SLC12A3: variants seen among roughly 807,000 people sequenced by gnomAD.
The protein encoded by SLC12A3 is Na-Cl cotransporter.
Under a neutral mutation model 121.0 loss-of-function variants are expected in SLC12A3, and 104 were observed. That is an observed-to-expected ratio of 0.86 (90% CI 0.73 to 1.01). SLC12A3 has a LOEUF of 1.01. Ranked by LOEUF, SLC12A3 falls within the 50% of genes least tolerant of loss-of-function variation. SLC12A3 has a pLI of 0.00. For synonymous variants in SLC12A3, 536 were observed against 533.4 expected (o/e 1.00, Z -0.07); for missense variants, 1,328 against 1,356.3 (o/e 0.98, Z 0.33).
chr16:56,878,035 TCTCC>T (rs373001243), intron 8 of SLC12A3, 38 bp from the exon 9 acceptor site: 861 of 451,770 alleles, frequency 1.9e-3, no homozygotes, highest in Middle Eastern at 4.4e-3. Context: ...TCCCTCCCTC[TCTCC>T]CTCCCTCCCT....
In SLC12A3 at chr16:56,869,757, G is replaced by A. The variant is rs140931462; in HGVS notation, c.534G>A (p.Ser178=). ...TGACCTGGATCATCATCCTGCTGTCGGTCACGGTGACCTCCATCACAGGCC... is the reference window on the plus strand; with the variant it reads ...TGACCTGGATCATCATCCTGCTGTCAGTCACGGTGACCTCCATCACAGGCC... ...IVLTWIIILL[S]VTVTSITGLS... The change falls in exon 4 of 26, where the codon TCG becomes TCA. Residue 178 remains serine (S), a synonymous_variant. Coordinates refer to ENST00000563236, the MANE Select transcript of SLC12A3 (RefSeq NM_001126108.2). 8.7e-6 allele frequency: 14 copies of A among 1,613,966 alleles called. No homozygotes were observed. The African/African-American group carries it at 1.1e-4, about 12-fold the overall frequency.
intron 6 of SLC12A3, 40 bp from the exon 7 acceptor site, chr16:56,872,311 A>G: frequency 6.8e-7 from 1 of 1,468,338 alleles, no homozygotes; most frequent in South Asian, 1.1e-5. Context: ...GAGAGGTAGA[A>G]CAAAACTATC....
chr16:56,901,732 C>T (rs1027919750), intron 23 of SLC12A3, among the ~76,000 whole-genome samples: 1 of 152,216 alleles, frequency 6.6e-6, no homozygotes, highest in Admixed American at 6.5e-5. Context: ...ATAAGGAAGC[C>T]CTGCCCGACT....
At chr16:56,879,249 C>T in intron 10 of SLC12A3, 22 bp downstream of exon 10, 1 of 1,613,562 alleles carries the variant, frequency 6.2e-7, no homozygotes, top group Non-Finnish European at 8.5e-7. Context: ...AGAGCTGACC[C>T]ACCAGACACA....
intron 18 of SLC12A3, among the ~76,000 whole-genome samples, chr16:56,889,003 AC>A (rs1296519622): frequency 6.6e-6 from 1 of 152,186 alleles, no homozygotes; most frequent in African/African-American, 2.4e-5. Flanking sequence ...TGAAACCAGG[AC>A]CTGAGGACGG....
In SLC12A3 at chr16:56,886,481, T is replaced by G; in HGVS notation, c.2037+6T>G. On this transcript the variant is annotated splice_donor_region_variant and intron_variant, in intron 16 of 25. Coordinates refer to ENST00000563236, the MANE Select transcript of SLC12A3 (RefSeq NM_001126108.2). The stretch of plus-strand genomic sequence containing the variant: ...TCTGTGGCCACGTGCTCATCGTGAG[T>G]GGCCCCTGGAGGGGCACAGGGGACC... 1 of 1,611,660 alleles carries G rather than the reference T, an allele frequency of 6.2e-7. No homozygotes were observed. The highest frequency in any genetic ancestry group is 8.5e-7 in the Non-Finnish European group (1 of 1,178,166).
intron 4 of SLC12A3, 113 bp downstream of exon 4, chr16:56,869,937 G>C: frequency 7.3e-7 from 1 of 1,373,510 alleles, no homozygotes; most frequent in South Asian, 1.2e-5. Flanking sequence ...TGTGGTTCCG[G>C]GAGAGGGCTC....
In SLC12A3 at chr16:56,903,623, G is replaced by A. The variant is rs570850090; in HGVS notation, c.2857-772G>A. ...GCAAGGTCCAGAATCCCTTACCCAC[G>A]TTAACTCCCTTCCCCTCGGTCTCTT... On this transcript the variant is annotated intron_variant, in intron 24 of 25. Coordinates refer to ENST00000563236, the MANE Select transcript of SLC12A3 (RefSeq NM_001126108.2). 1.3e-4 allele frequency among the ~76,000 whole-genome samples: 20 copies of A among 152,248 alleles called. No homozygotes were observed. In the South Asian group the frequency reaches 2.9e-3, roughly 22 times the overall value.
intron 22 of SLC12A3, among the ~76,000 whole-genome samples, chr16:56,896,432 G>A (rs1161594401): frequency 2.6e-5 from 4 of 152,212 alleles, no homozygotes; most frequent in Admixed American, 2.6e-4. Flanking sequence ...CTGGCAAGAG[G>A]TGCTGGTTTT....
intron 25 of SLC12A3, among the ~76,000 whole-genome samples, chr16:56,912,214 G>A (rs1484146647): frequency 6.6e-6 from 1 of 152,250 alleles, no homozygotes; most frequent in Non-Finnish European, 1.5e-5. Context: ...GGCACCAGCT[G>A]GACCTGTGAG....
chr16:56,911,425 A>G (rs1315845818), intron 25 of SLC12A3, among the ~76,000 whole-genome samples: 4 of 151,846 alleles, frequency 2.6e-5, no homozygotes, highest in Non-Finnish European at 4.4e-5. Flanking sequence ...CCCAGGCTCA[A>G]ACGATCCTCC....
rs769927176 is a variant in SLC12A3 at position 56,913,301 on chromosome 16, T to C, written c.2962T>C (p.Ser988Pro). The change falls in exon 26 of 26, where the codon TCG becomes CCG. Residue 988 changes from serine (S) to proline (P), a missense_variant. Transcript: ENST00000563236. ...AGGGAGGAAGGGGAAGTGCCCCAGC[T>C]CGCTGTACATGGCCTGGCTGGAGAC... ...PIGRKGKCPS[S>P]LYMAWLETLS... The C allele has an allele frequency of 6.2e-7, 1 of 1,614,198 alleles. No individual in the cohort carries two copies. The highest frequency in any genetic ancestry group is 1.1e-5 in the South Asian group (1 of 91,078).
At chr16:56,891,998 G>C in intron 19 of SLC12A3, 85 bp from the exon 20 acceptor site, 1 of 1,021,392 alleles carries the variant, frequency 9.8e-7, no homozygotes, top group Non-Finnish European at 1.6e-6. Context: ...TTTCTTCCTA[G>C]CATTAAGGGA....
At chr16:56,886,578 A>G in intron 16 of SLC12A3, 103 bp downstream of exon 16, 2 of 1,061,194 alleles carry the variant, frequency 1.9e-6, no homozygotes, top group Non-Finnish European at 1.4e-6. Context: ...CGAGGTCAGG[A>G]GTTTGAGACC....
chr16:56,899,631 G>A lies in SLC12A3; in HGVS notation c.2720+15G>A. 1 of 1,598,590 alleles carries A rather than the reference G, an allele frequency of 6.3e-7. No homozygotes were observed. The highest frequency in any genetic ancestry group is 8.6e-7 in the Non-Finnish European group (1 of 1,165,806). ...CGGGCTGAGCAGTAAGTTCTGTTTT[G>A]GGGCTTCCAGGCAGAAGGGCCAACT... On this transcript the variant is annotated intron_variant, in intron 23 of 25. Transcript: ENST00000563236.
chr16:56,902,531 G>GGGGGGGGGCC, intron 24 of SLC12A3, 23 bp downstream of exon 24: 68 of 714,232 alleles, frequency 9.5e-5, no homozygotes, highest in East Asian at 1.7e-4. Flanking sequence ...GTGGGGGTGG[G>GGGGGGGGGCC]AAACGCGACA....
At chr16:56,877,382 C>G (rs1227876660) in intron 8 of SLC12A3, among the ~76,000 whole-genome samples, 10 of 150,000 alleles carry the variant, frequency 6.7e-5, no homozygotes, top group Non-Finnish European at 1.5e-4. Context: ...GGTGACAGAG[C>G]AAGACTCTGT....
chr16:56,889,428 G>A (rs141910083), intron 18 of SLC12A3, among the ~76,000 whole-genome samples: 21 of 152,308 alleles, frequency 1.4e-4, no homozygotes, highest in Admixed American at 1.4e-3. Flanking sequence ...TGTCAATCAG[G>A]CAGTACATAC....
chr16:56,906,615 C>A, intron 25 of SLC12A3: 1 of 376,218 alleles, frequency 2.7e-6, no homozygotes, highest in Non-Finnish European at 4.9e-6. Context: ...CGTCTATGTC[C>A]TTCACCCTGG....
Sources: allele counts gnomAD v4.1 joint callset (sites outside exome capture counted in the v4.1 genomes callset), GRCh38; gene constraint gnomAD v4.1.1; transcripts MANE v1.5; gene names NCBI Gene and HGNC (gene_info 2026-07-23, HGNC 2026-07-21).